The following FARS2 variants were observed in gnomAD, a reference collection of about 807,000 sequenced individuals.
FARS2 encodes the protein phenylalanine--tRNA ligase, mitochondrial.
Under a neutral mutation model 46.4 loss-of-function variants are expected in FARS2, and 40 were observed. The ratio of observed to expected loss-of-function variants is 0.86; its 90% CI spans 0.67 to 1.12. The LOEUF (loss-of-function observed/expected upper bound fraction) is 1.12. FARS2 is among the 50% of genes most tolerant of loss of function. FARS2 has a pLI of 0.00. For synonymous variants in FARS2, 234 were observed against 214.9 expected (o/e 1.09, Z -0.78); for missense variants, 513 against 567.9 (o/e 0.90, Z 0.98).
At chr6:5,324,663 C>G (rs1195284374) in intron 1 of FARS2, among the ~76,000 whole-genome samples, 1 of 152,094 alleles carries the variant, frequency 6.6e-6, no homozygotes, top group Non-Finnish European at 1.5e-5. Context: ...TACACATACT[C>G]TAAGCATAAA....
chr6:5,406,629 A>G (rs1033337765), intron 3 of FARS2, among the ~76,000 whole-genome samples: 49 of 152,100 alleles, frequency 3.2e-4, no homozygotes, highest in African/African-American at 1.2e-3. Context: ...CCTTTTGTTA[A>G]TCAGTATCCC....
chr6:5,263,338 G>T (rs1226861697), intron 1 of FARS2, among the ~76,000 whole-genome samples: 1 of 152,158 alleles, frequency 6.6e-6, no homozygotes, highest in East Asian at 1.9e-4. Context: ...ACGAGCAATG[G>T]TTGCAGTTAG....
At chr6:5,489,975 A>G (rs1001537588) in intron 4 of FARS2, among the ~76,000 whole-genome samples, 4 of 152,234 alleles carry the variant, frequency 2.6e-5, no homozygotes, top group Non-Finnish European at 4.4e-5. Context: ...CAGTAAGTAT[A>G]TAGAGTCGCG....
intron 6 of FARS2, among the ~76,000 whole-genome samples, chr6:5,763,599 G>A (rs556715707): frequency 1.1e-4 from 17 of 152,094 alleles, no homozygotes; most frequent in Admixed American, 2.0e-4. Context: ...TAAATGACTC[G>A]CCCAGATTCA....
chr6:5,692,029 C>G (rs776612657), intron 6 of FARS2, among the ~76,000 whole-genome samples: 1 of 152,204 alleles, frequency 6.6e-6, no homozygotes, highest in Non-Finnish European at 1.5e-5. Flanking sequence ...TTGCTAAGAC[C>G]ACTGGAAAAG....
chr6:5,747,665 A>T (rs1160943506), intron 6 of FARS2, among the ~76,000 whole-genome samples: 1 of 152,188 alleles, frequency 6.6e-6, no homozygotes, highest in African/African-American at 2.4e-5. Context: ...AGGTGAATGG[A>T]TGCCTGAGAG....
At chr6:5,655,162 G>A (rs1004771264) in intron 6 of FARS2, among the ~76,000 whole-genome samples, 1 of 152,108 alleles carries the variant, frequency 6.6e-6, no homozygotes, top group Admixed American at 6.5e-5. Context: ...CATCCTGTTC[G>A]AGGGTCCACC....
intron 5 of FARS2, among the ~76,000 whole-genome samples, chr6:5,607,682 G>A (rs1774921739): frequency 1.3e-5 from 2 of 152,196 alleles, no homozygotes; most frequent in South Asian, 4.2e-4. Context: ...CTGAGGTCAT[G>A]CCCCCTCCTC....
chr6:5,644,503 G>T (rs7741352), intron 6 of FARS2, among the ~76,000 whole-genome samples: 1 of 151,962 alleles, frequency 6.6e-6, no homozygotes, highest in Admixed American at 6.6e-5. Context: ...GTCAGCCACC[G>T]TGCCTGGCCT....
chr6:5,321,904 C>A (rs1204024817), intron 1 of FARS2, among the ~76,000 whole-genome samples: 1 of 152,182 alleles, frequency 6.6e-6, no homozygotes, highest in East Asian at 1.9e-4. Flanking sequence ...CAGAGTAGAG[C>A]TATTCACAAT....
chr6:5,693,461 G>A (rs763315255), intron 6 of FARS2, among the ~76,000 whole-genome samples: 1 of 152,186 alleles, frequency 6.6e-6, no homozygotes, highest in African/African-American at 2.4e-5. Flanking sequence ...GGGCAAGGCG[G>A]CTAATGCGTT....
intron 6 of FARS2, among the ~76,000 whole-genome samples, chr6:5,731,543 G>C (rs1344311719): frequency 1.3e-5 from 2 of 152,148 alleles, no homozygotes; most frequent in Non-Finnish European, 2.9e-5. Flanking sequence ...TCACACACCG[G>C]AGTATGGTTT....
chr6:5,345,515 G>A (rs1014069349), intron 1 of FARS2, among the ~76,000 whole-genome samples: 6 of 152,164 alleles, frequency 3.9e-5, no homozygotes, highest in Admixed American at 1.3e-4. Flanking sequence ...TCTCCTTTAC[G>A]GGGCACTTTA....
chr6:5,404,601 T>G lies in FARS2; in HGVS notation c.672T>G (p.Ser224=), dbSNP rs773811639. Residue 224 remains serine, a synonymous_variant, in exon 3 of 7, where the codon TCT becomes TCG. Transcript: ENST00000274680. ...SLQLFEQSSR[S]AHKQETHTME... ...AGCTCTTTGAACAAAGTTCTCGCTC[T>G]GCGCATAAACAAGAGACACACACCA... 1 of 1,612,322 alleles carries G rather than the reference T, an allele frequency of 6.2e-7. No individual in the cohort carries two copies. The highest frequency in any genetic ancestry group is 8.5e-7 in the Non-Finnish European group (1 of 1,178,956).
chr6:5,524,144 C>G (rs1469070722), intron 4 of FARS2, among the ~76,000 whole-genome samples: 1 of 152,202 alleles, frequency 6.6e-6, no homozygotes, highest in East Asian at 1.9e-4. Flanking sequence ...TACTCCTATT[C>G]ACATCTTTAG....
chr6:5,450,649 C>G (rs1020482502), intron 4 of FARS2, among the ~76,000 whole-genome samples: 2 of 152,072 alleles, frequency 1.3e-5, no homozygotes, highest in African/African-American at 2.4e-5. Context: ...GTAGGCCTTA[C>G]AAAAACCAGA....
chr6:5,530,685 A>C (rs1020340238), intron 4 of FARS2, among the ~76,000 whole-genome samples: 12 of 147,410 alleles, frequency 8.1e-5, no homozygotes, highest in Non-Finnish European at 1.8e-4. Context: ...ATAAATATAA[A>C]ATATATATAA....
intron 4 of FARS2, among the ~76,000 whole-genome samples, chr6:5,505,631 C>T (rs897822311): frequency 5.3e-5 from 8 of 152,186 alleles, no homozygotes; most frequent in Non-Finnish European, 1.2e-4. Context: ...CTGATCCCTC[C>T]GTTTGGGGTC....
At chr6:5,293,318 A>C (rs969870014) in intron 1 of FARS2, among the ~76,000 whole-genome samples, 1 of 152,188 alleles carries the variant, frequency 6.6e-6, no homozygotes, top group African/African-American at 2.4e-5. Context: ...TGCTGAAATG[A>C]GTGAGCCATG....
Sources: allele counts gnomAD v4.1 joint callset (sites outside exome capture counted in the v4.1 genomes callset), GRCh38; gene constraint gnomAD v4.1.1; transcripts MANE v1.5; gene names NCBI Gene and HGNC (gene_info 2026-07-23, HGNC 2026-07-21).